TSNARE1: variants seen among roughly 807,000 people sequenced by gnomAD.
TSNARE1 encodes t-SNARE domain-containing protein 1.
In TSNARE1, 49 loss-of-function variants were observed where a neutral mutation model predicts 62.0. The ratio of observed to expected loss-of-function variants is 0.79; its 90% CI spans 0.63 to 1.00. TSNARE1 has a LOEUF of 1.00. Ranked by LOEUF, TSNARE1 falls within the 50% of genes least tolerant of loss-of-function variation. The pLI is 0.00. For synonymous variants in TSNARE1, 328 were observed against 294.4 expected (o/e 1.11, Z -1.17); for missense variants, 755 against 700.1 (o/e 1.08, Z -0.88).
At chr8:142,323,093 C>G (rs934664073) in intron 6 of TSNARE1, among the ~76,000 whole-genome samples, 2 of 150,864 alleles carry the variant, frequency 1.3e-5, no homozygotes, top group Non-Finnish European at 3.0e-5. Flanking sequence ...TGGCTGCATC[C>G]GTGGGCTGAT....
intron 12 of TSNARE1, chr8:142,270,131 G>A (rs528291071): frequency 2.9e-5 from 29 of 985,420 alleles, no homozygotes; most frequent in African/African-American, 5.2e-5. Context: ...CCCACCTCCC[G>A]CTCCTGCTCG....
chr8:142,363,157 T>C (rs1835286666), intron 1 of TSNARE1, among the ~76,000 whole-genome samples: 1 of 152,134 alleles, frequency 6.6e-6, no homozygotes, highest in Non-Finnish European at 1.5e-5. Context: ...GCCTGTGCAC[T>C]GGTATCTACT....
At chr8:142,316,999 G>A (rs1271674091) in intron 7 of TSNARE1, among the ~76,000 whole-genome samples, 2 of 151,954 alleles carry the variant, frequency 1.3e-5, no homozygotes, top group Admixed American at 6.6e-5. Flanking sequence ...CAGCACCTAC[G>A]GCAGGGACAG....
chr8:142,346,754 A>G (rs917070038), intron 2 of TSNARE1, among the ~76,000 whole-genome samples: 1 of 152,244 alleles, frequency 6.6e-6, no homozygotes, highest in African/African-American at 2.4e-5. Context: ...AGTGGGTCCC[A>G]GGGCTGCATC....
chr8:142,318,613 G>A lies in TSNARE1; in HGVS notation c.915C>T (p.Thr305=), dbSNP rs776111035. ...RDSLHTAQQE[T]NKTIAASASS... is the part of the protein sequence containing the mutation. Reference sequence around the variant, plus strand: ...TGGCGCTGGCTGCAATGGTCTTGTTGGTCTCCTGCTGTGCCGTGTGCCTGG... The same window carrying A: ...TGGCGCTGGCTGCAATGGTCTTGTTAGTCTCCTGCTGTGCCGTGTGCCTGG... Residue 305 remains threonine, a synonymous_variant, in exon 7 of 14, where the codon ACC becomes ACT. Transcript: ENST00000524325. 1 of 1,613,796 alleles carries A rather than the reference G, an allele frequency of 6.2e-7. No homozygotes were observed. The highest frequency in any genetic ancestry group is 1.1e-5 in the South Asian group (1 of 91,066).
In TSNARE1 at chr8:142,343,647, T is replaced by C. The variant is rs112342472; in HGVS notation, c.745+319A>G. Among the ~76,000 whole-genome samples, 70 of 150,644 alleles carry C rather than the reference T, an allele frequency of 4.6e-4. 3 individuals are homozygous for C. Among genetic ancestry groups the C allele is most frequent in the African/African-American group, 1.7e-3 (68 of 40,800 alleles). On this transcript the variant is annotated intron_variant, in intron 4 of 13. Coordinates refer to ENST00000524325, the MANE Select transcript of TSNARE1 (RefSeq NM_145003.5). ...TAATGCTCCCTTTATAGGTAATAGA[T>C]ATTGGCTGAATGCACAGACGGGTGG...
chr8:142,283,285 T>G (rs969928735), intron 11 of TSNARE1, among the ~76,000 whole-genome samples: 9 of 151,536 alleles, frequency 5.9e-5, no homozygotes, highest in African/African-American at 2.2e-4. Context: ...GCGGGGCCAG[T>G]GTCTGCCAAT....
chr8:142,397,783 C>A (rs924064775), intron 1 of TSNARE1, among the ~76,000 whole-genome samples: 4 of 152,076 alleles, frequency 2.6e-5, no homozygotes, highest in African/African-American at 7.2e-5. Flanking sequence ...CACTCAGCTG[C>A]GTGGCTAGCC....
At chr8:142,333,349 G>C (rs771178795) in intron 4 of TSNARE1, among the ~76,000 whole-genome samples, 1 of 152,226 alleles carries the variant, frequency 6.6e-6, no homozygotes, top group Non-Finnish European at 1.5e-5. Context: ...CTCCAGGCTC[G>C]CATTCAGGTG....
chr8:142,344,083 T>A lies in TSNARE1; in HGVS notation c.628A>T (p.Ser210Cys). Residue 210 changes from serine (S) to cysteine (C), a missense_variant, in exon 4 of 14, where the codon AGC becomes TGC. Transcript: ENST00000524325. ...GDLRKAAHGP[S>C]PGSGKPQALA... Reference sequence around the variant, plus strand: ...GCCTGGGGCTTGCCGGAACCAGGGCTGGGGCCATGGGCCGCCTTCCGGAGG... The same window carrying A: ...GCCTGGGGCTTGCCGGAACCAGGGCAGGGGCCATGGGCCGCCTTCCGGAGG... The A allele has an allele frequency of 6.2e-7, 1 of 1,608,002 alleles. No homozygotes were observed. Among genetic ancestry groups the A allele is most frequent in the Non-Finnish European group, 8.5e-7 (1 of 1,176,570 alleles).
chr8:142,274,378 G>A, intron 12 of TSNARE1: 1 of 985,412 alleles, frequency 1.0e-6, no homozygotes, highest in Non-Finnish European at 1.2e-6. Flanking sequence ...TGTTCCCTCT[G>A]AGCCACTGAC....
At chr8:142,297,795 A>G (rs1298484990) in intron 10 of TSNARE1, among the ~76,000 whole-genome samples, 2 of 152,184 alleles carry the variant, frequency 1.3e-5, no homozygotes. Context: ...GGGCTTCCTA[A>G]AGGCTAATGA....
chr8:142,302,566 G>A (rs548222453), intron 9 of TSNARE1, among the ~76,000 whole-genome samples: 5 of 152,002 alleles, frequency 3.3e-5, no homozygotes, highest in East Asian at 1.9e-4. Context: ...CCCCACCCCC[G>A]TCTCCCCAGC....
chr8:142,212,739 GC>G (rs1815614843), intron 13 of TSNARE1, among the ~76,000 whole-genome samples: 1 of 151,410 alleles, frequency 6.6e-6, no homozygotes, highest in South Asian at 2.1e-4. Context: ...TGACTTCCAA[GC>G]CCACGAGACG....
At chr8:142,342,852 G>C (rs1264865725) in intron 4 of TSNARE1, among the ~76,000 whole-genome samples, 1 of 148,864 alleles carries the variant, frequency 6.7e-6, no homozygotes, top group East Asian at 2.0e-4. Context: ...TCCAGCACCT[G>C]TCCAGGCAAC....
intron 9 of TSNARE1, among the ~76,000 whole-genome samples, chr8:142,313,009 TGTGTCTCTGG>T (rs1453422957): frequency 6.6e-6 from 1 of 152,240 alleles, no homozygotes; most frequent in Non-Finnish European, 1.5e-5. Flanking sequence ...CATCTATCTG[TGTGTCTCTGG>T]GTGTCTATCT....
chr8:142,278,695 C>T, intron 11 of TSNARE1: 1 of 985,470 alleles, frequency 1.0e-6, no homozygotes, highest in Non-Finnish European at 1.2e-6. Context: ...GACAGAAACG[C>T]CTGGCTTCCG....
chr8:142,325,592 G>A (rs1830095850), intron 6 of TSNARE1, among the ~76,000 whole-genome samples: 1 of 152,134 alleles, frequency 6.6e-6, no homozygotes, highest in African/African-American at 2.4e-5. Flanking sequence ...GGTCCTGGAG[G>A]TCCCTTCCTT....
chr8:142,241,984 A>G (rs77549158), intron 12 of TSNARE1, among the ~76,000 whole-genome samples: 2 of 125,912 alleles, frequency 1.6e-5, no homozygotes, highest in African/African-American at 2.9e-5. Flanking sequence ...CTAAAACTAC[A>G]GTCTCCATCT....
Sources: allele counts gnomAD v4.1 joint callset (sites outside exome capture counted in the v4.1 genomes callset), GRCh38; gene constraint gnomAD v4.1.1; transcripts MANE v1.5; gene names NCBI Gene and HGNC (gene_info 2026-07-23, HGNC 2026-07-21).